FBXL17: variants seen among roughly 807,000 people sequenced by gnomAD.
FBXL17 encodes the protein F-box/LRR-repeat protein 17.
In FBXL17, 22 loss-of-function variants were observed where a neutral mutation model predicts 66.2. The ratio of observed to expected loss-of-function variants is 0.33; its 90% confidence interval spans 0.24 to 0.47. The LOEUF (loss-of-function observed/expected upper bound fraction) is 0.47. Among genes scored for constraint, FBXL17 ranks in the 20% least tolerant of loss-of-function variants. FBXL17 has a pLI of 1.00. For missense variants in FBXL17, 878 were observed against 948.2 expected, an observed-to-expected ratio of 0.93 and a Z score of 0.97; for synonymous variants, 474 against 400.5, an observed-to-expected ratio of 1.18 and a Z score of -2.19.
intron 4 of FBXL17, among the ~76,000 whole-genome samples, chr5:108,247,140 A>C (rs1480165285): frequency 6.6e-6 from 1 of 152,246 alleles, no homozygotes; most frequent in Non-Finnish European, 1.5e-5. Flanking sequence ...ACAAGTATCC[A>C]CAATAACATG....
In FBXL17 at chr5:108,058,473, TTTTC is replaced by T. The variant is rs1227120715; in HGVS notation, c.1746-37476_1746-37473del. 4.4e-4 allele frequency among the ~76,000 whole-genome samples: 67 copies of T among 150,720 alleles called. 1 individual carries two copies. The highest frequency in any genetic ancestry group is 1.7e-3 in the East Asian group (9 of 5,178). On this transcript the variant is annotated intron_variant, in intron 6 of 8. Coordinates refer to ENST00000542267, the MANE Select transcript of FBXL17 (RefSeq NM_001163315.3). The stretch of plus-strand genomic sequence containing the variant: ...CTCCTTTTCTTTCTTCTCTCTCTCC[TTTTC>T]TTTCTTTCTTTCTTTTTCTTTTTTT...
At chr5:108,155,168 T>C (rs1383617757) in intron 6 of FBXL17, among the ~76,000 whole-genome samples, 1 of 152,106 alleles carries the variant, frequency 6.6e-6, no homozygotes, top group African/African-American at 2.4e-5. Flanking sequence ...AACTGAGATA[T>C]TATAATACAT....
At chr5:108,117,291 G>A (rs1223855860) in intron 6 of FBXL17, among the ~76,000 whole-genome samples, 1 of 152,056 alleles carries the variant, frequency 6.6e-6, no homozygotes, top group Non-Finnish European at 1.5e-5. Flanking sequence ...AAGCATATTG[G>A]GGGTTACAAT....
chr5:108,100,431 T>C (rs1464940134), intron 6 of FBXL17, among the ~76,000 whole-genome samples: 1 of 152,218 alleles, frequency 6.6e-6, no homozygotes, highest in Non-Finnish European at 1.5e-5. Context: ...CTATTTATCC[T>C]TACATCAAAC....
At chr5:108,092,817 T>A (rs541330052) in intron 6 of FBXL17, among the ~76,000 whole-genome samples, 1 of 152,312 alleles carries the variant, frequency 6.6e-6, no homozygotes, top group South Asian at 2.1e-4. Context: ...TTGTGCATAC[T>A]GTTAAGATGT....
chr5:108,052,271 T>C (rs990134030), intron 6 of FBXL17, among the ~76,000 whole-genome samples: 2 of 152,176 alleles, frequency 1.3e-5, no homozygotes, highest in African/African-American at 4.8e-5. Context: ...TAAATTGTTT[T>C]GGTCTGCAGA....
chr5:108,245,385 A>C (rs969075250), intron 4 of FBXL17, among the ~76,000 whole-genome samples: 1 of 152,192 alleles, frequency 6.6e-6, no homozygotes, highest in Admixed American at 6.5e-5. Context: ...TTGTTAAAAA[A>C]AAACAAACAC....
intron 4 of FBXL17, among the ~76,000 whole-genome samples, chr5:108,252,961 C>A (rs1351123009): frequency 3.3e-5 from 5 of 152,146 alleles, no homozygotes; most frequent in Non-Finnish European, 7.4e-5. Flanking sequence ...CTGAGGCCCC[C>A]AAGTAGAATC....
At chr5:108,247,787 A>G (rs1756171260) in intron 4 of FBXL17, among the ~76,000 whole-genome samples, 1 of 152,194 alleles carries the variant, frequency 6.6e-6, no homozygotes, top group African/African-American at 2.4e-5. Context: ...TCTACATGAT[A>G]CTTGTGAGTG....
chr5:108,214,248 CCA>C (rs1754499420), intron 5 of FBXL17, among the ~76,000 whole-genome samples: 1 of 152,026 alleles, frequency 6.6e-6, no homozygotes. Context: ...TTTAAGGCAT[CCA>C]CTGGGGGTTG....
intron 6 of FBXL17, among the ~76,000 whole-genome samples, chr5:108,113,458 A>G (rs903458684): frequency 3.3e-5 from 5 of 152,054 alleles, no homozygotes; most frequent in African/African-American, 1.2e-4. Context: ...ATATAAATAA[A>G]TTTTTCTTCC....
At chr5:107,979,731 G>A (rs920035243) in intron 7 of FBXL17, among the ~76,000 whole-genome samples, 2 of 152,144 alleles carry the variant, frequency 1.3e-5, no homozygotes, top group African/African-American at 2.4e-5. Flanking sequence ...ATCTAACTAG[G>A]ACTTTTATTG....
intron 7 of FBXL17, among the ~76,000 whole-genome samples, chr5:107,991,880 C>T (rs1474643861): frequency 5.3e-5 from 8 of 151,998 alleles, no homozygotes; most frequent in Non-Finnish European, 1.2e-4. Flanking sequence ...TACATAAAAC[C>T]CACTTAAAAA....
At chr5:108,227,705 T>C (rs1041185276) in intron 4 of FBXL17, among the ~76,000 whole-genome samples, 1 of 152,194 alleles carries the variant, frequency 6.6e-6, no homozygotes, top group South Asian at 2.1e-4. Context: ...CTATGGTACA[T>C]GTGATAAAAG....
chr5:108,067,753 C>T (rs286749), intron 6 of FBXL17, among the ~76,000 whole-genome samples: 35,433 of 152,074 alleles, frequency 0.23, 4,844 homozygotes, highest in South Asian at 0.44. Context: ...ACATATTTCC[C>T]TATTGTACTG....
chr5:108,238,586 C>T lies in FBXL17; in HGVS notation c.1507-14358G>A, dbSNP rs142719899. Among the ~76,000 whole-genome samples the T allele has an allele frequency of 2.0e-4, 31 of 152,338 alleles. 1 individual carries two copies. The Middle Eastern group carries it at 0.01, about 50-fold the overall frequency. On this transcript the variant is annotated intron_variant, in intron 4 of 8. Transcript: ENST00000542267. ...AGTGCAGTGGTGCAATCACAGCTCA[C>T]TGCAGCCTTCACTTCCCAGGCTCCG... is the stretch of plus-strand genomic sequence containing the variant.
At chr5:108,357,371 T>A (rs1437820267) in intron 3 of FBXL17, among the ~76,000 whole-genome samples, 1 of 151,908 alleles carries the variant, frequency 6.6e-6, no homozygotes, top group Non-Finnish European at 1.5e-5. Context: ...CAAGGAAAAA[T>A]GAATAACTTC....
chr5:108,381,591 G>T lies in FBXL17; in HGVS notation c.101C>A (p.Pro34His), dbSNP rs1749942986. 5 of 1,461,604 alleles carry T rather than the reference G, an allele frequency of 3.4e-6. No individual in the cohort carries two copies. Among genetic ancestry groups the T allele is most frequent in the Non-Finnish European group, 3.6e-6 (4 of 1,113,462 alleles). 90.5% of individuals were successfully genotyped at this position (1,461,604 alleles called of 1,614,324 possible). A position where few individuals can be genotyped will look rare whatever the true frequency, so the allele number is the denominator to read the frequency against. Reference sequence around the variant, plus strand: ...GGGCACCTTGGCTGGGGTCCGGCGGGGCAGCCTGAGGAGAGGGCGCCGGCG... The same window carrying T: ...GGGCACCTTGGCTGGGGTCCGGCGGTGCAGCCTGAGGAGAGGGCGCCGGCG... The part of the protein sequence containing the change: ...CRRRRPLLRL[P>H]RRTPAKVPPQ... Residue 34 changes from proline to histidine, a missense_variant, in exon 1 of 9, where the codon CCC (proline) becomes CAC (histidine). Coordinates refer to ENST00000542267, the MANE Select transcript of FBXL17 (RefSeq NM_001163315.3).
At chr5:107,919,266 A>AG (rs1750233132) in intron 7 of FBXL17, among the ~76,000 whole-genome samples, 1 of 152,204 alleles carries the variant, frequency 6.6e-6, no homozygotes, top group African/African-American at 2.4e-5. Flanking sequence ...TTGATCCATT[A>AG]GCATGTCCTG....
Sources: allele counts gnomAD v4.1 joint callset (sites outside exome capture counted in the v4.1 genomes callset), GRCh38; gene constraint gnomAD v4.1.1; transcripts MANE v1.5; gene names NCBI Gene and HGNC (gene_info 2026-07-23, HGNC 2026-07-21).